The following MACF1 variants were observed in gnomAD, a reference collection of about 807,000 sequenced individuals.
MACF1 encodes the protein microtubule actin crosslinking factor 1, also known as microtubule-actin cross-linking factor 1.
A neutral mutation model predicts 854.8 loss-of-function variants in MACF1; 193 were observed. That is an observed-to-expected ratio of 0.23 (90% CI 0.20 to 0.25). MACF1 has a LOEUF of 0.25. Ranked by LOEUF, MACF1 falls within the 10% of genes least tolerant of loss-of-function variation. The probability of loss-of-function intolerance (pLI) is 1.00; values close to 1 mark genes in which losing one functional copy is unlikely to be tolerated. For missense variants in MACF1, 7,722 were observed against 8,929.1 expected, an observed-to-expected ratio of 0.86 and a Z score of 5.45; for synonymous variants, 3,185 against 3,226.7, an observed-to-expected ratio of 0.99 and a Z score of 0.44.
At chr1:39,190,280 TTC>T (rs1181637530) in intron 2 of MACF1, among the ~76,000 whole-genome samples, 2 of 151,832 alleles carry the variant, frequency 1.3e-5, no homozygotes, top group South Asian at 2.1e-4. Flanking sequence ...CCTCTCTCTC[TTC>T]TTTCTTTCTT....
At chr1:39,131,759 A>C (rs576110792) in intron 2 of MACF1, among the ~76,000 whole-genome samples, 22 of 152,314 alleles carry the variant, frequency 1.4e-4, no homozygotes, top group African/African-American at 4.6e-4. Context: ...ATTTTTGTGG[A>C]TATGATATAG....
rs1026742482 is a variant in MACF1 at position 39,105,925 on chromosome 1, G to C, written c.220+21487G>C. Among the ~76,000 whole-genome samples the C allele has an allele frequency of 6.6e-6, 1 of 152,206 alleles. No individual in the cohort carries two copies. On this transcript the variant is annotated intron_variant, in intron 2 of 93. Coordinates refer to the MACF1 transcript ENST00000361689. The surrounding 1 kb of genome is among the most constrained non-coding windows in gnomAD (Gnocchi z 5.9). ...AAACCGCCCCCGGGGCAGTCGGCGCGCTCAGAGCGCCAGTTACATGATTTG... is the reference window on the plus strand; with the variant it reads ...AAACCGCCCCCGGGGCAGTCGGCGCCCTCAGAGCGCCAGTTACATGATTTG...
At chr1:39,123,203 ATTTTTTTTTTTT>A (rs10585991) in intron 2 of MACF1, among the ~76,000 whole-genome samples, 1 of 111,918 alleles carries the variant, frequency 8.9e-6, no homozygotes, top group Non-Finnish European at 1.8e-5. Flanking sequence ...ATATATATAA[ATTTTTTTTTTTT>A]TTTTTTTTTT....
Position 39,283,500 on chromosome 1 carries a change from A to G in MACF1, c.900A>G (p.Glu300=), listed in dbSNP as rs985445425. 6.2e-7 allele frequency: 1 copy of G among 1,604,198 alleles called. No homozygotes were observed. The change falls in exon 9 of 101, where the codon GAA becomes GAG. Residue 300 remains glutamate (E), a synonymous_variant. Coordinates refer to ENST00000564288, the MANE Select transcript of MACF1 (RefSeq NM_001394062.1). The surrounding 1 kb of genome is among the most constrained non-coding windows in gnomAD (Gnocchi z 4.5). ...TCCCTAAAGTTCCTGAGGGTGGAGA[A>G]GGGATCAGTGCTACGGTAAAAGAAC... ...DAFPKVPEGG[E]GISATEVDSR... is the part of the protein sequence containing the mutation.
At chr1:39,226,357 T>G (rs2148297431) in intron 1 of MACF1, among the ~76,000 whole-genome samples, 1 of 151,976 alleles carries the variant, frequency 6.6e-6, no homozygotes, top group Non-Finnish European at 1.5e-5. Context: ...TTTTTTTTTT[T>G]TGAGATGGAG....
intron 1 of MACF1, among the ~76,000 whole-genome samples, chr1:39,218,174 C>T (rs1218454885): frequency 2.9e-5 from 3 of 103,578 alleles, no homozygotes; most frequent in African/African-American, 7.8e-5. Flanking sequence ...CAGAGCGAGA[C>T]TCCGTCTCAA....
Position 39,105,496 on chromosome 1 carries a change from G to C in MACF1, c.220+21058G>C. ...GGGCCGGGCGAGGCGGGCGGACGGC[G>C]GAGAGCGAGGGCGCCGTCGCCGTCT... On this transcript the variant is annotated intron_variant, in intron 2 of 93. Coordinates refer to the MACF1 transcript ENST00000361689. The surrounding 1 kb of genome is among the most constrained non-coding windows in gnomAD (Gnocchi z 5.9). 9.9e-7 allele frequency: 1 copy of C among 1,012,364 alleles called. No individual in the cohort carries two copies. Among genetic ancestry groups the C allele is most frequent in the Non-Finnish European group, 1.2e-6 (1 of 848,610 alleles). 62.7% of individuals were successfully genotyped at this position (1,012,364 alleles called of 1,614,324 possible).
intron 58 of MACF1, among the ~76,000 whole-genome samples, chr1:39,389,859 TTAA>T: frequency 6.6e-6 from 1 of 152,336 alleles, no homozygotes; most frequent in African/African-American, 2.4e-5. Context: ...AGTAAGCAGC[TTAA>T]TAATACATCC....
At chr1:39,259,672 G>T (rs573602813) in intron 6 of MACF1, among the ~76,000 whole-genome samples, 15 of 151,330 alleles carry the variant, frequency 9.9e-5, no homozygotes, top group East Asian at 1.9e-4. Context: ...GCCCGGGCTA[G>T]AGTGCAATGG....
At chr1:39,224,834 A>G (rs1331317464) in intron 1 of MACF1, among the ~76,000 whole-genome samples, 1 of 152,236 alleles carries the variant, frequency 6.6e-6, no homozygotes, top group Non-Finnish European at 1.5e-5. Context: ...TATTGATAGC[A>G]TGATGCTCAG....
At chr1:39,282,152 G>A (rs376911590) in intron 6 of MACF1, 56 bp from the exon 7 acceptor site, 10 of 1,575,602 alleles carry the variant, frequency 6.3e-6, no homozygotes, top group Non-Finnish European at 7.8e-6. Context: ...AGAAGAGAAG[G>A]CTAAAAGACT....
intron 2 of MACF1, among the ~76,000 whole-genome samples, chr1:39,233,543 G>A (rs1044397796): frequency 6.6e-6 from 1 of 152,076 alleles, no homozygotes; most frequent in Admixed American, 6.5e-5. Context: ...TCCTCCATGG[G>A]CCAATTGTCC....
chr1:39,304,551 ATTTTC>A lies in MACF1; in HGVS notation c.2789+1482_2789+1486del, dbSNP rs1646126466. 9.7e-6 allele frequency: 10 copies of A among 1,031,862 alleles called. No homozygotes were observed. The South Asian group carries it at 1.1e-4, about 12-fold the overall frequency. 63.9% of individuals were successfully genotyped at this position (1,031,862 alleles called of 1,614,324 possible). On this transcript the variant is annotated intron_variant, in intron 23 of 100. Coordinates refer to ENST00000564288, the MANE Select transcript of MACF1 (RefSeq NM_001394062.1). ...ACAGTTTCAGCAACACTCCTTTCAA[ATTTTC>A]TTTTCTTTCTTTTTTTTTTTTTCTT...
upstream of MACF1, among the ~76,000 whole-genome samples, chr1:39,201,724 C>T (rs1184170000): frequency 2.0e-5 from 3 of 152,082 alleles, no homozygotes; most frequent in East Asian, 5.8e-4. Flanking sequence ...CTTCCCGTTT[C>T]ACCTAGAATA....
intron 6 of MACF1, chr1:39,268,628 A>AT: frequency 1.7e-6 from 2 of 1,207,796 alleles, no homozygotes; most frequent in Non-Finnish European, 2.1e-6. Context: ...GATGAGGCCA[A>AT]GGTTGGGATT....
rs1644189888 is a variant in MACF1, at chr1:39,444,724, A to G, written c.19494A>G (p.Arg6498=). The change falls in exon 80 of 101, where the codon AGA becomes AGG. Residue 6498 remains arginine, a synonymous_variant. Transcript: ENST00000564288. ...ETYNQLLDKG[R]LMLLSRDDSG... ...ATAATCAACTACTTGACAAGGGCAG[A>G]CTCATGCTTCTAAGCCGTGACGACT... 1.2e-6 allele frequency: 2 copies of G among 1,614,050 alleles called. No homozygotes were observed. Among genetic ancestry groups the G allele is most frequent in the African/African-American group, 2.7e-5 (2 of 74,924 alleles).
At chr1:39,133,741 C>A (rs1164440579) in intron 2 of MACF1, among the ~76,000 whole-genome samples, 1 of 152,180 alleles carries the variant, frequency 6.6e-6, no homozygotes, top group Non-Finnish European at 1.5e-5. Context: ...AGATTTACTA[C>A]TTCCAGAATT....
At chr1:39,392,603 A>C (rs1642076811) in intron 58 of MACF1, among the ~76,000 whole-genome samples, 1 of 152,174 alleles carries the variant, frequency 6.6e-6, no homozygotes, top group African/African-American at 2.4e-5. Context: ...CTCTGCTTTA[A>C]CCCAGCTAAC....
chr1:39,231,284 C>G (rs377159443), intron 2 of MACF1, 41 bp downstream of exon 2: 90 of 1,529,438 alleles, frequency 5.9e-5, no homozygotes, highest in Non-Finnish European at 7.2e-5. Flanking sequence ...GCACCTCTCA[C>G]TGCTCTCATC....
Sources: gnomAD v4.1 joint callset for allele counts (sites outside exome capture counted in the v4.1 genomes callset) on GRCh38, gnomAD v4.1.1 for gene constraint, Gnocchi (gnomAD v3.1) non-coding constraint, MANE v1.5 for transcripts, NCBI Gene and HGNC (gene_info 2026-07-23, HGNC 2026-07-21) for gene names.